Variants in CACNB2 observed in about 807,000 individuals in gnomAD.
CACNB2 encodes the protein voltage-dependent L-type calcium channel subunit beta-2.
Under a neutral mutation model 73.3 loss-of-function variants are expected in CACNB2, and 42 were observed. The observed-to-expected ratio is 0.57, with a 90% confidence interval of 0.45 to 0.74. CACNB2 has a LOEUF of 0.74. Ranked by LOEUF, CACNB2 falls within the 30% of genes least tolerant of loss-of-function variation. The pLI, the probability that CACNB2 is intolerant of heterozygous loss-of-function variation, is 0.00. For missense variants in CACNB2, 940 were observed against 853.0 expected, an observed-to-expected ratio of 1.10 and a Z score of -1.27; for synonymous variants, 348 against 310.3, an observed-to-expected ratio of 1.12 and a Z score of -1.28.
rs184758342 is a variant in CACNB2 at position 18,299,278 on chromosome 10, T to C, written c.214-102646T>C. Among the ~76,000 whole-genome samples, 176 of 152,244 alleles carry C rather than the reference T, an allele frequency of 1.2e-3. 1 individual carries two copies. Among genetic ancestry groups the C allele is most frequent in the Middle Eastern group, 3.4e-3 (1 of 294 alleles). ...GTTCTGGATTGGACAATACATGGCA[T>C]GCTCACTCTAATTGTCATAACAGAG... On this transcript the variant is annotated intron_variant, in intron 2 of 13. Transcript: ENST00000324631.
chr10:18,188,733 G>C (rs1302298992), intron 2 of CACNB2, among the ~76,000 whole-genome samples: 1 of 152,128 alleles, frequency 6.6e-6, no homozygotes, highest in Non-Finnish European at 1.5e-5. Context: ...TCTCGTTATA[G>C]CACATGGAAG....
intron 2 of CACNB2, among the ~76,000 whole-genome samples, chr10:18,268,576 T>C (rs1287554971): frequency 1.3e-5 from 2 of 152,234 alleles, no homozygotes; most frequent in Non-Finnish European, 2.9e-5. Flanking sequence ...TGCATTTATA[T>C]TGGTGTTTGC....
chr10:18,355,697 C>T (rs989619908), intron 2 of CACNB2, among the ~76,000 whole-genome samples: 4 of 150,084 alleles, frequency 2.7e-5, no homozygotes, highest in East Asian at 2.0e-4. Flanking sequence ...AGTACAGTGG[C>T]GCGATCTCGG....
chr10:18,504,996 G>T (rs1254149131), intron 5 of CACNB2, among the ~76,000 whole-genome samples: 3 of 152,192 alleles, frequency 2.0e-5, no homozygotes, highest in African/African-American at 7.2e-5. Flanking sequence ...CCAGAATCCG[G>T]CAGTCTTTAA....
At chr10:18,504,053 G>A (rs1047623477) in intron 5 of CACNB2, among the ~76,000 whole-genome samples, 10 of 152,324 alleles carry the variant, frequency 6.6e-5, no homozygotes, top group African/African-American at 2.2e-4. Context: ...TATAGAAACT[G>A]AGAAATGAGA....
In CACNB2 at chr10:18,494,827, G is replaced by T. The variant is rs188064789; in HGVS notation, c.334-3528G>T. On this transcript the variant is annotated intron_variant, in intron 3 of 13. Transcript: ENST00000324631. ...ATGAAGACTACATCCTTAGGAGGCT[G>T]AGGGGGGAGGATTACTTGAGGCCAG... 2.5e-3 allele frequency among the ~76,000 whole-genome samples: 386 copies of T among 152,080 alleles called. 1 individual carries two copies. Among genetic ancestry groups the T allele is most frequent in the Non-Finnish European group, 4.0e-3 (272 of 67,976 alleles).
At chr10:18,458,069 C>G (rs1368212640) in intron 3 of CACNB2, among the ~76,000 whole-genome samples, 1 of 152,180 alleles carries the variant, frequency 6.6e-6, no homozygotes, top group Non-Finnish European at 1.5e-5. Context: ...TTTGATGATG[C>G]AGAGAAATCA....
intron 2 of CACNB2, chr10:18,340,745 C>T (rs1296134120): frequency 6.0e-6 from 9 of 1,492,360 alleles, no homozygotes; most frequent in Admixed American, 2.3e-5. Flanking sequence ...TGTTGTGATC[C>T]GACGAACTTT....
intron 2 of CACNB2, among the ~76,000 whole-genome samples, chr10:18,220,287 T>A (rs1373663069): frequency 1.8e-5 from 2 of 113,290 alleles, no homozygotes; most frequent in African/African-American, 6.4e-5. Context: ...AGAGAGAGAA[T>A]CTTATTCTGT....
chr10:18,266,722 C>G (rs770834177), intron 2 of CACNB2, among the ~76,000 whole-genome samples: 4 of 152,070 alleles, frequency 2.6e-5, no homozygotes, highest in Admixed American at 6.6e-5. Flanking sequence ...AACCTCGTCT[C>G]TACTAAAAAT....
chr10:18,204,158 T>C (rs2035000477), intron 2 of CACNB2, among the ~76,000 whole-genome samples: 1 of 152,232 alleles, frequency 6.6e-6, no homozygotes, highest in Admixed American at 6.5e-5. Flanking sequence ...GCAGTTCAGC[T>C]TACAGATGGT....
intron 2 of CACNB2, among the ~76,000 whole-genome samples, chr10:18,278,135 A>T (rs1370815735): frequency 6.6e-6 from 1 of 152,222 alleles, no homozygotes; most frequent in African/African-American, 2.4e-5. Flanking sequence ...GATTAATTAT[A>T]TAACTGCTAT....
At chr10:18,218,456 G>A (rs930517761) in intron 2 of CACNB2, among the ~76,000 whole-genome samples, 1 of 152,160 alleles carries the variant, frequency 6.6e-6, no homozygotes, top group African/African-American at 2.4e-5. Context: ...TTTTTATTCT[G>A]TAGATAAGAA....
intron 2 of CACNB2, among the ~76,000 whole-genome samples, chr10:18,157,988 G>GT (rs2032183981): frequency 6.6e-6 from 1 of 152,046 alleles, no homozygotes. Flanking sequence ...TTGTGATACT[G>GT]TTTGGCATCC....
intron 2 of CACNB2, among the ~76,000 whole-genome samples, chr10:18,256,298 A>C (rs2037283912): frequency 6.6e-6 from 1 of 152,258 alleles, no homozygotes; most frequent in Non-Finnish European, 1.5e-5. Context: ...CAGTTATCAC[A>C]GACAAGTATA....
At chr10:18,187,504 G>C (rs938602302) in intron 2 of CACNB2, among the ~76,000 whole-genome samples, 2 of 152,104 alleles carry the variant, frequency 1.3e-5, no homozygotes, top group African/African-American at 4.8e-5. Context: ...TTTTAAAAGT[G>C]ACTGTGTTAG....
intron 2 of CACNB2, chr10:18,182,136 C>T (rs2033917006): frequency 6.6e-6 from 1 of 152,132 alleles, no homozygotes; most frequent in Non-Finnish European, 1.5e-5. Flanking sequence ...GCCACCTTCC[C>T]TTTGGCCCAA....
At chr10:18,220,224 T>TGGGGGGGGG (rs2035710290) in intron 2 of CACNB2, among the ~76,000 whole-genome samples, 4 of 48,030 alleles carry the variant, frequency 8.3e-5, no homozygotes, top group African/African-American at 7.4e-4. Context: ...TATATATATA[T>TGGGGGGGGG]ATATATATAG....
intron 3 of CACNB2, among the ~76,000 whole-genome samples, chr10:18,481,336 T>G (rs767557137): frequency 1.4e-5 from 2 of 138,438 alleles, no homozygotes; most frequent in Non-Finnish European, 3.1e-5. Context: ...AACCTCTGCC[T>G]CCTGGCTTCA....
Sources: allele counts gnomAD v4.1 joint callset (sites outside exome capture counted in the v4.1 genomes callset), GRCh38; gene constraint gnomAD v4.1.1; transcripts MANE v1.5; gene names NCBI Gene and HGNC (gene_info 2026-07-23, HGNC 2026-07-21).